Variants in RBFOX1 observed in about 807,000 individuals in gnomAD.
RBFOX1 encodes RNA binding fox-1 homolog 1, also known as RNA binding protein fox-1 homolog 1.
RBFOX1 carries 8 observed loss-of-function variants against 57.7 expected under a neutral mutation model. The ratio of observed to expected loss-of-function variants is 0.14; its 90% CI spans 0.08 to 0.25. RBFOX1 has a LOEUF of 0.25. RBFOX1 is among the 10% of genes least tolerant of loss of function. RBFOX1 has a pLI of 1.00. For synonymous variants in RBFOX1, 326 were observed against 222.4 expected (o/e 1.47, Z -4.15); for missense variants, 611 against 548.5 (o/e 1.11, Z -1.14).
intron 4 of RBFOX1, among the ~76,000 whole-genome samples, chr16:7,368,092 C>T (rs2097494803): frequency 6.6e-6 from 1 of 151,932 alleles, no homozygotes. Context: ...CGTAATGAAA[C>T]CCCATCTTTA....
At chr16:6,761,335 T>C (rs950266049) in intron 3 of RBFOX1, among the ~76,000 whole-genome samples, 1 of 152,136 alleles carries the variant, frequency 6.6e-6, no homozygotes, top group Non-Finnish European at 1.5e-5. Flanking sequence ...ATGTCACTTG[T>C]ATATGTTTAA....
At chr16:7,648,827 G>A (rs1409512857) in intron 11 of RBFOX1, among the ~76,000 whole-genome samples, 1 of 152,126 alleles carries the variant, frequency 6.6e-6, no homozygotes, top group Non-Finnish European at 1.5e-5. Flanking sequence ...GAATTTAAAT[G>A]AATTGAGGGC....
intron 1 of RBFOX1, among the ~76,000 whole-genome samples, chr16:6,241,961 C>T (rs556738085): frequency 1.3e-5 from 2 of 152,220 alleles, no homozygotes; most frequent in South Asian, 4.1e-4. Flanking sequence ...TGGGAAAGGT[C>T]AGTGGAAGTC....
chr16:7,161,284 G>A (rs1483020061), intron 4 of RBFOX1, among the ~76,000 whole-genome samples: 4 of 151,602 alleles, frequency 2.6e-5, no homozygotes, highest in Non-Finnish European at 5.9e-5. Context: ...TGAGATAGGG[G>A]AATGCAGTAT....
At chr16:5,370,144 T>C (rs996945813) in intron 1 of RBFOX1, among the ~76,000 whole-genome samples, 1 of 152,154 alleles carries the variant, frequency 6.6e-6, no homozygotes, top group Non-Finnish European at 1.5e-5. Context: ...TCAGTCTCTT[T>C]TTGGAGTTGC....
At chr16:7,547,110 G>A (rs893673932) in intron 5 of RBFOX1, among the ~76,000 whole-genome samples, 2 of 152,190 alleles carry the variant, frequency 1.3e-5, no homozygotes, top group Non-Finnish European at 2.9e-5. Context: ...GAAGAAAGGA[G>A]TGATAATGGT....
intron 1 of RBFOX1, among the ~76,000 whole-genome samples, chr16:5,284,382 C>G (rs1357629059): frequency 6.6e-6 from 1 of 152,034 alleles, no homozygotes; most frequent in African/African-American, 2.4e-5. Context: ...CTTTGTGTGT[C>G]TGCTCTATCA....
chr16:5,515,611 CT>C (rs1313285199), intron 2 of RBFOX1, among the ~76,000 whole-genome samples: 1 of 152,130 alleles, frequency 6.6e-6, no homozygotes, highest in African/African-American at 2.4e-5. Flanking sequence ...ATCCTTATGC[CT>C]GATCAATTTG....
intron 1 of RBFOX1, among the ~76,000 whole-genome samples, chr16:6,299,829 G>A (rs76751867): frequency 1.3e-5 from 2 of 152,058 alleles, no homozygotes; most frequent in East Asian, 3.9e-4. Context: ...TTTCCTCAAT[G>A]GTAAAAAAAT....
At chr16:6,080,896 G>T (rs1298508971) in intron 1 of RBFOX1, among the ~76,000 whole-genome samples, 3 of 152,112 alleles carry the variant, frequency 2.0e-5, no homozygotes, top group Non-Finnish European at 4.4e-5. Context: ...TAATTTTAAA[G>T]TATTTGAAGA....
intron 4 of RBFOX1, among the ~76,000 whole-genome samples, chr16:7,097,967 A>T (rs1298708779): frequency 6.6e-6 from 1 of 152,144 alleles, no homozygotes; most frequent in African/African-American, 2.4e-5. Flanking sequence ...GTTTAATAAT[A>T]GTGAGTGTTG....
chr16:5,315,921 G>A lies in RBFOX1; in HGVS notation c.219+75816G>A, dbSNP rs150366681. ...ATTCTCATAGGCCTGTCTTTGGAGA[G>A]TCACCTGGTAGCGCATAAGACAGAA... On this transcript the variant is annotated intron_variant, in intron 1 of 2. Transcript: ENST00000585867. Among the ~76,000 whole-genome samples the A allele has an allele frequency of 3.6e-3, 551 of 152,238 alleles. 2 individuals carry two copies. Among genetic ancestry groups the A allele is most frequent in the African/African-American group, 0.012 (482 of 41,564 alleles).
chr16:5,296,071 G>T (rs1919053), intron 1 of RBFOX1, among the ~76,000 whole-genome samples: 4 of 152,302 alleles, frequency 2.6e-5, no homozygotes, highest in South Asian at 2.1e-4. Context: ...CCTCCATTGC[G>T]CCCGGGTTCC....
chr16:5,872,657 G>A (rs2057504488), intron 4 of RBFOX1, among the ~76,000 whole-genome samples: 1 of 151,962 alleles, frequency 6.6e-6, no homozygotes, highest in Non-Finnish European at 1.5e-5. Flanking sequence ...GGTTGCTTGA[G>A]CCCAGGAGGT....
chr16:6,564,669 C>T (rs796615136), intron 2 of RBFOX1, among the ~76,000 whole-genome samples: 1 of 151,944 alleles, frequency 6.6e-6, no homozygotes, highest in Non-Finnish European at 1.5e-5. Context: ...AGCTGTTGGT[C>T]AAAACACACA....
intron 1 of RBFOX1, among the ~76,000 whole-genome samples, chr16:5,425,236 G>A (rs1219594546): frequency 6.6e-6 from 1 of 151,820 alleles, no homozygotes; most frequent in Non-Finnish European, 1.5e-5. Context: ...CTCCTGAGTA[G>A]CTGGGATTAT....
intron 1 of RBFOX1, among the ~76,000 whole-genome samples, chr16:5,427,167 G>C (rs111855548): frequency 3.3e-5 from 5 of 152,230 alleles, no homozygotes; most frequent in Non-Finnish European, 7.3e-5. Flanking sequence ...GAGCCCTTGA[G>C]TGGGCTCACC....
At chr16:5,760,903 T>G (rs939374156) in intron 3 of RBFOX1, among the ~76,000 whole-genome samples, 3 of 152,192 alleles carry the variant, frequency 2.0e-5, no homozygotes, top group Admixed American at 6.5e-5. Context: ...ATTTTGGAAC[T>G]AGATAAGAGA....
chr16:6,650,292 C>T (rs1432574388), intron 2 of RBFOX1, among the ~76,000 whole-genome samples: 2 of 151,374 alleles, frequency 1.3e-5, no homozygotes, highest in Non-Finnish European at 2.9e-5. Context: ...TTATTTTTTT[C>T]TTTTTTTGCT....
Sources: gnomAD v4.1 joint callset for allele counts (sites outside exome capture counted in the v4.1 genomes callset) on GRCh38, gnomAD v4.1.1 for gene constraint, MANE v1.5 for transcripts, NCBI Gene and HGNC (gene_info 2026-07-23, HGNC 2026-07-21) for gene names.